Variants in DNAJC24 observed in about 807,000 individuals in gnomAD.
The protein encoded by DNAJC24 is DnaJ heat shock protein family (Hsp40) member C24.
DNAJC24 carries 17 observed loss-of-function variants against 18.0 expected under a neutral mutation model. The ratio of observed to expected loss-of-function variants is 0.94; its 90% CI spans 0.65 to 1.42. The LOEUF (loss-of-function observed/expected upper bound fraction) is 1.42. Among genes scored for constraint, DNAJC24 ranks in the 40% most tolerant of loss-of-function variants. The pLI is 0.00. For missense variants in DNAJC24, 158 were observed against 175.6 expected (o/e 0.90, Z 0.57); for synonymous variants, 55 against 57.7 (o/e 0.95, Z 0.21).
In DNAJC24 at chr11:31,370,832, A is replaced by C; in HGVS notation, c.84A>C (p.Lys28Asn). ...ADPSANISDL[K>N]QKYQKLILMY... ...CATCTGCAAATATATCAGACCTAAA[A>C]CAAAAATATCAAAAACTCATATTAA... Residue 28 changes from lysine to asparagine, a missense_variant, in exon 2 of 5, where the codon AAA becomes AAC. Lys to Asn is a moderately conservative substitution (Grantham distance 94). Coordinates refer to ENST00000465995, the MANE Select transcript of DNAJC24 (RefSeq NM_181706.5). 6.2e-7 allele frequency: 1 copy of C among 1,609,322 alleles called. No homozygotes were observed. Among genetic ancestry groups the C allele is most frequent in the Non-Finnish European group, 8.5e-7 (1 of 1,177,588 alleles).
At chr11:31,398,804 G>A (rs879760038) in intron 2 of DNAJC24, among the ~76,000 whole-genome samples, 9 of 152,186 alleles carry the variant, frequency 5.9e-5, no homozygotes, top group Non-Finnish European at 8.8e-5. Flanking sequence ...GCTCTGAGTT[G>A]TTGTAGGAGA....
intron 2 of DNAJC24, among the ~76,000 whole-genome samples, chr11:31,413,530 C>G (rs368962389): frequency 1.3e-4 from 20 of 151,988 alleles, no homozygotes; most frequent in Non-Finnish European, 2.5e-4. Flanking sequence ...GTCAGGGTTT[C>G]ACTGTGTTAG....
chr11:31,405,866 C>A (rs1055313530), intron 2 of DNAJC24, among the ~76,000 whole-genome samples: 2 of 152,208 alleles, frequency 1.3e-5, no homozygotes, highest in African/African-American at 4.8e-5. Flanking sequence ...ACTGCTGTCC[C>A]ATCCCATGAC....
chr11:31,400,623 G>A (rs565263827), intron 2 of DNAJC24, among the ~76,000 whole-genome samples: 7 of 152,250 alleles, frequency 4.6e-5, no homozygotes, highest in African/African-American at 1.7e-4. Flanking sequence ...AACAAGCAAT[G>A]GGGAAAAGGT....
At chr11:31,378,251 T>C (rs1157997546) in intron 2 of DNAJC24, among the ~76,000 whole-genome samples, 1 of 152,158 alleles carries the variant, frequency 6.6e-6, no homozygotes, top group Non-Finnish European at 1.5e-5. Flanking sequence ...TAACTTGTCT[T>C]GTAGTTCACA....
Position 31,431,280 on chromosome 11 carries a change from A to G in DNAJC24, c.*879A>G, listed in dbSNP as rs1006372446. 5 of 151,592 alleles carry G rather than the reference A, an allele frequency of 3.3e-5. No individual in the cohort carries two copies. The highest frequency in any genetic ancestry group is 5.9e-5 in the Non-Finnish European group (4 of 68,004). 9.4% of individuals were successfully genotyped at this position (151,592 alleles called of 1,614,324 possible). ...GGTGATCCACCTGCCTCGACCTCCC[A>G]AAGTGCTAGGATTACAGGTTTGAGC... On this transcript the variant is annotated 3_prime_UTR_variant, in exon 5 of 5. Transcript: ENST00000465995.
intron 2 of DNAJC24, among the ~76,000 whole-genome samples, chr11:31,373,281 G>T (rs1287119814): frequency 1.5e-5 from 2 of 134,316 alleles, no homozygotes; most frequent in Non-Finnish European, 3.4e-5. Context: ...TCTAGAAGTG[G>T]TCATTTGCTT....
intron 2 of DNAJC24, among the ~76,000 whole-genome samples, chr11:31,374,755 A>G (rs531586083): frequency 1.5e-5 from 2 of 133,150 alleles, no homozygotes; most frequent in South Asian, 5.1e-4. Flanking sequence ...CCGTTCCTCA[A>G]TTTCTCCTGC....
chr11:31,408,682 T>C (rs4922864), intron 2 of DNAJC24, among the ~76,000 whole-genome samples: 63,552 of 152,004 alleles, frequency 0.42, 14,240 homozygotes, highest in African/African-American at 0.57. Context: ...GAATGATCCT[T>C]TATTTTTGTA....
chr11:31,414,451 A>G (rs1272952633), intron 2 of DNAJC24, among the ~76,000 whole-genome samples: 1 of 152,162 alleles, frequency 6.6e-6, no homozygotes, highest in Non-Finnish European at 1.5e-5. Flanking sequence ...TACTCTGCCT[A>G]ATTTGTGCTC....
intron 2 of DNAJC24, chr11:31,396,385 G>A: frequency 4.8e-6 from 2 of 420,172 alleles, no homozygotes; most frequent in Admixed American, 2.8e-5. Flanking sequence ...AGGCTCAGGG[G>A]ACTTTGGAGG....
chr11:31,406,657 C>T (rs959296435), intron 2 of DNAJC24, among the ~76,000 whole-genome samples: 2 of 152,104 alleles, frequency 1.3e-5, no homozygotes, highest in African/African-American at 4.8e-5. Context: ...TGGGGAATGA[C>T]ATGGTCAGAG....
chr11:31,386,725 T>C (rs1952434106), intron 2 of DNAJC24, among the ~76,000 whole-genome samples: 1 of 152,098 alleles, frequency 6.6e-6, no homozygotes, highest in Non-Finnish European at 1.5e-5. Context: ...GAGAGACAAG[T>C]AAAGGGACTT....
At chr11:31,414,401 T>C (rs1398249217) in intron 2 of DNAJC24, among the ~76,000 whole-genome samples, 1 of 152,234 alleles carries the variant, frequency 6.6e-6, no homozygotes, top group African/African-American at 2.4e-5. Context: ...CATTTTATAA[T>C]GCTGTCTATA....
intron 2 of DNAJC24, among the ~76,000 whole-genome samples, chr11:31,409,667 G>T (rs1952687956): frequency 6.6e-6 from 1 of 152,048 alleles, no homozygotes; most frequent in Admixed American, 6.6e-5. Context: ...GACATTTATG[G>T]TTCCAGTGTT....
At chr11:31,380,346 CA>C (rs1450693153) in intron 2 of DNAJC24, among the ~76,000 whole-genome samples, 1 of 151,942 alleles carries the variant, frequency 6.6e-6, no homozygotes, top group African/African-American at 2.4e-5. Context: ...ACTTACAGAC[CA>C]AAAATCATTT....
chr11:31,430,485 A>G lies in DNAJC24; in HGVS notation c.*84A>G, dbSNP rs1952910809. 1 of 1,254,570 alleles carries G rather than the reference A, an allele frequency of 8.0e-7. No individual in the cohort carries two copies. Among genetic ancestry groups the G allele is most frequent in the Non-Finnish European group, 1.1e-6 (1 of 935,596 alleles). The allele number at this position is 1,254,570 out of a possible 1,614,324, so 77.7% of individuals were successfully genotyped here. ...GAGCTTTGTCCATTCAAGGAAATGG[A>G]TTATTTGTCAGCCCGATTATTTGCA... On this transcript the variant is annotated 3_prime_UTR_variant, in exon 5 of 5. Coordinates refer to ENST00000465995, the MANE Select transcript of DNAJC24 (RefSeq NM_181706.5).
intron 3 of DNAJC24, among the ~76,000 whole-genome samples, chr11:31,423,700 T>C (rs1952832848): frequency 1.3e-5 from 2 of 152,204 alleles, no homozygotes; most frequent in Non-Finnish European, 2.9e-5. Context: ...TACTGGTTTT[T>C]TGAAACCAGA....
intron 3 of DNAJC24, among the ~76,000 whole-genome samples, chr11:31,424,478 T>A (rs1387594446): frequency 6.6e-6 from 1 of 152,106 alleles, no homozygotes; most frequent in Non-Finnish European, 1.5e-5. Flanking sequence ...CTCATGAAAA[T>A]TTTAGAAGAA....
Sources: allele counts gnomAD v4.1 joint callset (sites outside exome capture counted in the v4.1 genomes callset), GRCh38; gene constraint gnomAD v4.1.1; transcripts MANE v1.5; gene names NCBI Gene and HGNC (gene_info 2026-07-23, HGNC 2026-07-21).